The following GRM5 variants were observed in gnomAD, a reference collection of about 807,000 sequenced individuals.
GRM5 encodes the protein glutamate metabotropic receptor 5.
In GRM5, 19 loss-of-function variants were observed where a neutral mutation model predicts 83.1. The ratio of observed to expected loss-of-function variants is 0.23; its 90% CI spans 0.16 to 0.34. GRM5 has a LOEUF of 0.34. Among genes scored for constraint, GRM5 ranks in the 10% least tolerant of loss-of-function variants. GRM5 has a pLI of 1.00. For missense variants in GRM5, 1,160 were observed against 1,588.3 expected (o/e 0.73, Z 4.58); for synonymous variants, 675 against 633.6 (o/e 1.07, Z -0.98).
At chr11:88,639,609 A>G (rs1218545645) in intron 4 of GRM5, among the ~76,000 whole-genome samples, 1 of 149,072 alleles carries the variant, frequency 6.7e-6, no homozygotes, top group African/African-American at 2.5e-5. Flanking sequence ...TTTTTTTGAG[A>G]TGGAGTCTCG....
At chr11:88,744,733 T>C (rs192458882) in intron 3 of GRM5, among the ~76,000 whole-genome samples, 1 of 152,264 alleles carries the variant, frequency 6.6e-6, no homozygotes, top group African/African-American at 2.4e-5. Context: ...TGCTCTGGTA[T>C]TAGAATCCAA....
chr11:88,615,048 G>A (rs1300066236), intron 4 of GRM5, among the ~76,000 whole-genome samples: 1 of 152,098 alleles, frequency 6.6e-6, no homozygotes, highest in Non-Finnish European at 1.5e-5. Context: ...CAAGACCTGG[G>A]CCCAGGTATG....
intron 2 of GRM5, among the ~76,000 whole-genome samples, chr11:88,891,450 CA>C (rs2135585329): frequency 6.6e-6 from 1 of 152,074 alleles, no homozygotes; most frequent in African/African-American, 2.4e-5. Flanking sequence ...CTAGATTGTT[CA>C]GGGGGCCCCT....
intron 4 of GRM5, among the ~76,000 whole-genome samples, chr11:88,651,632 A>G (rs1939634887): frequency 6.6e-6 from 1 of 152,118 alleles, no homozygotes; most frequent in Non-Finnish European, 1.5e-5. Flanking sequence ...TGCCATAAAA[A>G]ATGAAAGCAA....
intron 3 of GRM5, among the ~76,000 whole-genome samples, chr11:88,829,876 T>A (rs1291659066): frequency 6.6e-6 from 1 of 152,132 alleles, no homozygotes; most frequent in Admixed American, 6.5e-5. Context: ...AAATTTAGCA[T>A]AATCAATATC....
chr11:88,876,272 ACT>A (rs954652807), intron 2 of GRM5, among the ~76,000 whole-genome samples: 1 of 151,954 alleles, frequency 6.6e-6, no homozygotes, highest in Non-Finnish European at 1.5e-5. Context: ...CATTAACCAA[ACT>A]CTGCTAGCTG....
chr11:88,972,972 CA>C (rs1345014865), intron 2 of GRM5, among the ~76,000 whole-genome samples: 14 of 152,056 alleles, frequency 9.2e-5, no homozygotes, highest in Non-Finnish European at 2.1e-4. Context: ...TCACATTCTA[CA>C]CAGTAACTAG....
chr11:89,044,251 T>C lies in GRM5; in HGVS notation c.661+2961A>G, dbSNP rs1307799521. Among the ~76,000 whole-genome samples, 4 of 152,226 alleles carry C rather than the reference T, an allele frequency of 2.6e-5. No individual in the cohort carries two copies. The East Asian group carries it at 7.7e-4, about 29-fold the overall frequency. ...TTCCTCTGCCCAGTTGAAGAGCTAG[T>C]TTGATCTGCTCTTTAAAAAATGCTT... On this transcript the variant is annotated intron_variant, in intron 2 of 9. Coordinates refer to ENST00000305447, the MANE Select transcript of GRM5 (RefSeq NM_001143831.3).
chr11:88,589,251 A>G (rs1591367425), intron 7 of GRM5, among the ~76,000 whole-genome samples: 1 of 152,200 alleles, frequency 6.6e-6, no homozygotes, highest in Non-Finnish European at 1.5e-5. Flanking sequence ...GTGTGCACAC[A>G]GGTACACTAT....
At chr11:88,987,428 G>C (rs1290439265) in intron 2 of GRM5, among the ~76,000 whole-genome samples, 3 of 151,914 alleles carry the variant, frequency 2.0e-5, no homozygotes, top group Non-Finnish European at 4.4e-5. Context: ...CAGCGAGGTT[G>C]GGGGAGGGGC....
intron 2 of GRM5, among the ~76,000 whole-genome samples, chr11:88,930,327 T>C (rs1189880329): frequency 6.6e-6 from 1 of 151,788 alleles, no homozygotes; most frequent in African/African-American, 2.4e-5. Flanking sequence ...GGCAGGACAA[T>C]TGCTTGAGCT....
At chr11:88,944,191 CT>C (rs1322966522) in intron 2 of GRM5, among the ~76,000 whole-genome samples, 1 of 151,836 alleles carries the variant, frequency 6.6e-6, no homozygotes, top group African/African-American at 2.4e-5. Context: ...CGCAAACAGG[CT>C]AAACTTGAAG....
intron 3 of GRM5, among the ~76,000 whole-genome samples, chr11:88,832,308 A>G (rs977274338): frequency 1.3e-5 from 2 of 152,234 alleles, no homozygotes; most frequent in Non-Finnish European, 1.5e-5. Context: ...AAATACCAGT[A>G]GTATTTCTAT....
In GRM5 at chr11:88,829,287, C is replaced by G. The variant is rs1009725106; in HGVS notation, c.911+20619G>C. Among the ~76,000 whole-genome samples, 3 of 152,096 alleles carry G rather than the reference C, an allele frequency of 2.0e-5. No homozygotes were observed. The South Asian group carries it at 6.2e-4, about 31-fold the overall frequency. On this transcript the variant is annotated intron_variant, in intron 3 of 9. Coordinates refer to ENST00000305447, the MANE Select transcript of GRM5 (RefSeq NM_001143831.3). ...ACCAGCCTGGCCAATGTGGCAAAAC[C>G]CTGTCTCTACTAAAAATACAAAATT...
At chr11:88,554,948 G>T (rs1942592020) in intron 8 of GRM5, among the ~76,000 whole-genome samples, 1 of 152,120 alleles carries the variant, frequency 6.6e-6, no homozygotes, top group South Asian at 2.1e-4. Context: ...CAAAACAAAA[G>T]TTTGAATATG....
Position 88,586,563 on chromosome 11 carries a change from T to C in GRM5, c.1690+4038A>G, listed in dbSNP as rs1296161389. Among the ~76,000 whole-genome samples, 5 of 152,300 alleles carry C rather than the reference T, an allele frequency of 3.3e-5. No homozygotes were observed. The East Asian group carries it at 9.7e-4, about 29-fold the overall frequency. On this transcript the variant is annotated intron_variant, in intron 7 of 9. Transcript: ENST00000305447. ...AAGTGCATATAAGAAAGGCTTGCAA[T>C]ATTTCCTAAAACTGGCCCCAAGCCT... is the stretch of plus-strand genomic sequence containing the variant.
chr11:88,969,492 T>A (rs1939099594), intron 2 of GRM5, among the ~76,000 whole-genome samples: 2 of 152,094 alleles, frequency 1.3e-5, no homozygotes, highest in Non-Finnish European at 2.9e-5. Flanking sequence ...CAATCAGTGA[T>A]CTCTTGGAAC....
chr11:88,782,772 C>T (rs114108224), intron 3 of GRM5, among the ~76,000 whole-genome samples: 4,500 of 152,120 alleles, frequency 0.03, 219 homozygotes, highest in African/African-American at 0.099. Flanking sequence ...AATATCAATT[C>T]ACATGGTCCA....
intron 7 of GRM5, among the ~76,000 whole-genome samples, chr11:88,584,829 A>G (rs768718195): frequency 2.0e-5 from 3 of 152,242 alleles, no homozygotes; most frequent in Non-Finnish European, 4.4e-5. Context: ...TGTAAACATT[A>G]TAAGAACAGA....
Sources: allele counts gnomAD v4.1 joint callset (sites outside exome capture counted in the v4.1 genomes callset), GRCh38; gene constraint gnomAD v4.1.1; transcripts MANE v1.5; gene names NCBI Gene and HGNC (gene_info 2026-07-23, HGNC 2026-07-21).